The following ODAD2 variants were observed in gnomAD, a reference collection of about 807,000 sequenced individuals.
ODAD2 encodes the protein outer dynein arm docking complex subunit 2, also known as outer dynein arm-docking complex subunit 2.
A neutral mutation model predicts 106.8 loss-of-function variants in ODAD2; 89 were observed. That is an observed-to-expected ratio of 0.83 (90% CI 0.70 to 0.99). ODAD2 has a LOEUF of 0.99. Among genes scored for constraint, ODAD2 ranks in the 50% least tolerant of loss-of-function variants. The probability of loss-of-function intolerance (pLI) is 0.00; values close to 1 mark genes in which losing one functional copy is unlikely to be tolerated. For synonymous variants in ODAD2, 404 were observed against 436.2 expected, an observed-to-expected ratio of 0.93 and a Z score of 0.92; for missense variants, 1,168 against 1,238.5, an observed-to-expected ratio of 0.94 and a Z score of 0.85.
At chr10:27,875,690 C>T (rs1417152157) in intron 17 of ODAD2, among the ~76,000 whole-genome samples, 1 of 152,174 alleles carries the variant, frequency 6.6e-6, no homozygotes, top group Non-Finnish European at 1.5e-5. Context: ...TCTTGTTGGA[C>T]AGTGGCTGCA....
At chr10:27,909,488 G>A (rs1035335563) in intron 16 of ODAD2, among the ~76,000 whole-genome samples, 1 of 152,116 alleles carries the variant, frequency 6.6e-6, no homozygotes, top group Non-Finnish European at 1.5e-5. Flanking sequence ...TAGCTATAAT[G>A]AGTGAGGATT....
At position 27,994,842 on chromosome 10, in the gene ODAD2, G is replaced by GC. The variant is rs1019939974; in HGVS notation, c.224+76dup. 44 of 1,493,620 alleles carry GC rather than the reference G, an allele frequency of 2.9e-5. No individual in the cohort carries two copies. In the Admixed American group the frequency reaches 5.6e-4, roughly 19 times the overall value. The allele number at this position is 1,493,620 out of a possible 1,614,324, so 92.5% of individuals were successfully genotyped here. On this transcript the variant is annotated intron_variant, in intron 2 of 19. Transcript: ENST00000305242. ...GAGGTTCAGAGAGGTTAGGTGACTT[G>GC]CCCCCAAACCTAGAACCAATTGATA...
Position 27,995,079 on chromosome 10 carries a change from C to T in ODAD2, c.64G>A (p.Glu22Lys), listed in dbSNP as rs866196713. Residue 22 changes from glutamate to lysine, a missense_variant, in exon 2 of 20, where the codon GAA becomes AAA. This residue lies in a region of ODAD2 where 430 missense variants were observed against 452.2 expected (regional missense o/e 0.95). Transcript: ENST00000305242. ...ATCGCTTCATTTAGAGGGGTGATTT[C>T]GAGGATTCCAGTTCCATGTCCGGCA... ...TAAGHGTGIL[E>K]ITPLNEAILK... is the part of the protein sequence containing the mutation. The T allele has an allele frequency of 3.1e-6, 5 of 1,614,110 alleles. No individual in the cohort carries two copies. Among genetic ancestry groups the T allele is most frequent in the South Asian group, 1.1e-5 (1 of 91,076 alleles).
chr10:27,972,192 T>C (rs756229290), intron 7 of ODAD2, among the ~76,000 whole-genome samples: 6 of 152,170 alleles, frequency 3.9e-5, no homozygotes, highest in Non-Finnish European at 8.8e-5. Flanking sequence ...TTAAACTATT[T>C]GTGAATTTTA....
chr10:27,948,879 T>C (rs1847135652), intron 10 of ODAD2, among the ~76,000 whole-genome samples: 1 of 149,820 alleles, frequency 6.7e-6, no homozygotes, highest in Admixed American at 6.7e-5. Flanking sequence ...CATTTCTTCA[T>C]TGTCACCATT....
intron 16 of ODAD2, among the ~76,000 whole-genome samples, chr10:27,934,797 C>T (rs1296116187): frequency 3.3e-5 from 5 of 152,112 alleles, no homozygotes; most frequent in Non-Finnish European, 5.9e-5. Flanking sequence ...ATTGTAAATC[C>T]TCCCAATATG....
chr10:27,964,601 T>C (rs117119035), intron 9 of ODAD2, among the ~76,000 whole-genome samples: 2 of 152,206 alleles, frequency 1.3e-5, no homozygotes, highest in South Asian at 2.1e-4. Flanking sequence ...TTTTGAAGAT[T>C]TGATCTGTTT....
At chr10:27,861,596 A>G (rs1055100546) in intron 18 of ODAD2, among the ~76,000 whole-genome samples, 13 of 152,200 alleles carry the variant, frequency 8.5e-5, no homozygotes, top group African/African-American at 3.1e-4. Context: ...TCAGTAATAC[A>G]CCTTGGTTGC....
intron 19 of ODAD2, among the ~76,000 whole-genome samples, chr10:27,842,701 TGAAA>T (rs148445025): frequency 0.017 from 2,640 of 152,222 alleles, 89 homozygotes; most frequent in African/African-American, 0.06. Context: ...TTAAATATGC[TGAAA>T]GAAAAAGTCA....
intron 9 of ODAD2, among the ~76,000 whole-genome samples, chr10:27,963,721 A>G (rs1165138637): frequency 2.0e-5 from 3 of 152,140 alleles, no homozygotes; most frequent in Admixed American, 2.0e-4. Flanking sequence ...GTTTTTGATT[A>G]CAGGGTATTG....
At position 27,867,863 on chromosome 10, in the gene ODAD2, C is replaced by T. The variant is rs182077616; in HGVS notation, c.2611-5241G>A. On this transcript the variant is annotated intron_variant, in intron 17 of 19. Coordinates refer to ENST00000305242, the MANE Select transcript of ODAD2 (RefSeq NM_018076.5). ...ATTTGGGAGGCTGAGGCATGAGAAT[C>T]GCTTGAACCTGGGAGGCAGAGATTA... is the stretch of plus-strand genomic sequence containing the variant. Among the ~76,000 whole-genome samples the T allele has an allele frequency of 8.0e-4, 122 of 151,732 alleles. 2 individuals are homozygous for T. Among genetic ancestry groups the T allele is most frequent in the African/African-American group, 2.7e-3 (113 of 41,374 alleles).
chr10:27,995,068 A>G lies in ODAD2; in HGVS notation c.75T>C (p.Pro25=). The G allele has an allele frequency of 6.2e-7, 1 of 1,614,182 alleles. No homozygotes were observed. The highest frequency in any genetic ancestry group is 8.5e-7 in the Non-Finnish European group (1 of 1,180,048). ...TTTCTTTCAATATCGCTTCATTTAG[A>G]GGGGTGATTTCGAGGATTCCAGTTC... is the stretch of plus-strand genomic sequence containing the variant. The part of the protein sequence containing the change: ...GHGTGILEIT[P]LNEAILKEII... Residue 25 remains proline (P), a synonymous_variant, in exon 2 of 20, where the codon CCT becomes CCC. Transcript: ENST00000305242.
At chr10:27,862,337 G>T in intron 18 of ODAD2, 97 bp downstream of exon 18, 1 of 960,770 alleles carries the variant, frequency 1.0e-6, no homozygotes, top group Non-Finnish European at 1.5e-6. Context: ...TATTAAACTT[G>T]AATCCAGGTT....
Position 27,952,400 on chromosome 10 carries a change from T to A in ODAD2, c.1387-7438A>T, listed in dbSNP as rs114309925. Among the ~76,000 whole-genome samples, 472 of 152,166 alleles carry A rather than the reference T, an allele frequency of 3.1e-3. 5 individuals carry two copies. The highest frequency in any genetic ancestry group is 0.011 in the African/African-American group (451 of 41,548). On this transcript the variant is annotated intron_variant, in intron 10 of 19. Coordinates refer to ENST00000305242, the MANE Select transcript of ODAD2 (RefSeq NM_018076.5). ...TGACAACTTTTTTTATTTTATTTTT[T>A]TTTTTTACCTTAAGTTCTAGGATAC...
chr10:27,908,239 G>A (rs1843738323), intron 16 of ODAD2, among the ~76,000 whole-genome samples: 1 of 152,078 alleles, frequency 6.6e-6, no homozygotes, highest in Non-Finnish European at 1.5e-5. Flanking sequence ...TCTAGCATTA[G>A]GAATTAAAAT....
intron 16 of ODAD2, among the ~76,000 whole-genome samples, chr10:27,918,124 C>T (rs183917308): frequency 2.0e-5 from 3 of 151,842 alleles, no homozygotes; most frequent in Non-Finnish European, 3.0e-5. Context: ...TAATCCTACA[C>T]GAAATCTATC....
intron 16 of ODAD2, among the ~76,000 whole-genome samples, chr10:27,912,119 G>A (rs1054493046): frequency 1.3e-5 from 2 of 152,106 alleles, no homozygotes; most frequent in Non-Finnish European, 1.5e-5. Context: ...ACACACTGAT[G>A]GGCTTATAGG....
At position 27,983,853 on chromosome 10, in the gene ODAD2, A is replaced by G; in HGVS notation, c.809T>C (p.Phe270Ser). 6.2e-7 allele frequency: 1 copy of G among 1,613,262 alleles called. No individual in the cohort carries two copies. The highest frequency in any genetic ancestry group is 1.7e-5 in the Admixed American group (1 of 59,784). The change falls in exon 6 of 20, where the codon TTT becomes TCT. Residue 270 changes from phenylalanine to serine, a missense_variant. Transcript: ENST00000305242. ...TAAAAATTTACTTACACCATTTAAAAATACTCCTCCTGCACTGCAAGTAAT... is the reference window on the plus strand; with the variant it reads ...TAAAAATTTACTTACACCATTTAAAGATACTCCTCCTGCACTGCAAGTAAT... ...LCITCSAGGV[F>S]LNGGKTDDEG...
chr10:27,939,773 C>T (rs932578307), intron 14 of ODAD2, 124 bp downstream of exon 14: 3 of 488,062 alleles, frequency 6.1e-6, no homozygotes, highest in Non-Finnish European at 1.1e-5. Context: ...TTAAAAAAAT[C>T]AAATAAATAA....
Sources: allele counts gnomAD v4.1 joint callset (sites outside exome capture counted in the v4.1 genomes callset), GRCh38; gene constraint gnomAD v4.1.1; regional missense constraint gnomAD v4.1.1; transcripts MANE v1.5; gene names NCBI Gene and HGNC (gene_info 2026-07-23, HGNC 2026-07-21).